Variants in TMEM150C observed in about 807,000 individuals in gnomAD.
TMEM150C encodes the protein tentonin 3.
TMEM150C carries 10 observed loss-of-function variants against 29.9 expected under a neutral mutation model. The observed-to-expected ratio is 0.33, with a 90% CI of 0.21 to 0.57. TMEM150C has a LOEUF of 0.57. TMEM150C is among the 20% of genes least tolerant of loss of function. The probability of loss-of-function intolerance (pLI) is 0.88; values close to 1 mark genes in which losing one functional copy is unlikely to be tolerated. For missense variants in TMEM150C, 251 were observed against 303.6 expected, an observed-to-expected ratio of 0.83 and a Z score of 1.29; for synonymous variants, 101 against 112.5, an observed-to-expected ratio of 0.90 and a Z score of 0.64.
chr4:82,494,461 C>T (rs1723471834), intron 6 of TMEM150C, among the ~76,000 whole-genome samples: 1 of 152,198 alleles, frequency 6.6e-6, no homozygotes, highest in Non-Finnish European at 1.5e-5. Flanking sequence ...TTGACTTCCA[C>T]ATAAACTTGC....
intron 1 of TMEM150C, among the ~76,000 whole-genome samples, chr4:82,558,181 T>C (rs1725803214): frequency 6.6e-6 from 1 of 152,186 alleles, no homozygotes; most frequent in Non-Finnish European, 1.5e-5. Flanking sequence ...AATTCAGAAC[T>C]ATACTGTCCA....
intron 1 of TMEM150C, among the ~76,000 whole-genome samples, chr4:82,517,632 C>A (rs1461281281): frequency 6.6e-6 from 1 of 152,142 alleles, no homozygotes; most frequent in Non-Finnish European, 1.5e-5. Flanking sequence ...ATACCTGCAC[C>A]CCTCCCAGGC....
intron 1 of TMEM150C, among the ~76,000 whole-genome samples, chr4:82,561,574 A>AGCGG (rs995929662): frequency 6.8e-6 from 1 of 148,112 alleles, no homozygotes; most frequent in African/African-American, 2.5e-5. Context: ...CCGGGGCCGC[A>AGCGG]GCGGGCGGGC....
intron 1 of TMEM150C, among the ~76,000 whole-genome samples, chr4:82,505,785 A>G (rs1020859725): frequency 3.3e-5 from 5 of 152,186 alleles, no homozygotes; most frequent in African/African-American, 1.2e-4. Flanking sequence ...GAAATAAAAA[A>G]TCCCCCCTCA....
chr4:82,544,205 G>A (rs1482081531), intron 1 of TMEM150C, among the ~76,000 whole-genome samples: 2 of 152,138 alleles, frequency 1.3e-5, no homozygotes, highest in Non-Finnish European at 2.9e-5. Flanking sequence ...TTTCCCATAA[G>A]GGTCCTGTTC....
At chr4:82,559,390 C>CAAA (rs55656515) in intron 1 of TMEM150C, among the ~76,000 whole-genome samples, 40 of 131,076 alleles carry the variant, frequency 3.1e-4, no homozygotes, top group African/African-American at 5.8e-4. Flanking sequence ...ACTAAAAATA[C>CAAA]AAAAAAAAAA....
At chr4:82,527,699 C>A (rs962354563) in intron 1 of TMEM150C, among the ~76,000 whole-genome samples, 2 of 152,182 alleles carry the variant, frequency 1.3e-5, no homozygotes, top group African/African-American at 2.4e-5. Context: ...CTAACTCCAG[C>A]ATCAGAAGTG....
At chr4:82,552,078 C>T (rs914318746) in intron 1 of TMEM150C, among the ~76,000 whole-genome samples, 3 of 152,064 alleles carry the variant, frequency 2.0e-5, no homozygotes, top group South Asian at 2.1e-4. Context: ...CCTCCTCTCT[C>T]GGCATGTGAT....
chr4:82,495,731 CA>C, intron 6 of TMEM150C: 1 of 319,528 alleles, frequency 3.1e-6, no homozygotes. Flanking sequence ...TTGTTGTTCC[CA>C]CCACTGATTC....
chr4:82,544,573 G>A (rs963476891), intron 1 of TMEM150C, among the ~76,000 whole-genome samples: 4 of 152,142 alleles, frequency 2.6e-5, no homozygotes, highest in Non-Finnish European at 5.9e-5. Flanking sequence ...GAGCCCAGGG[G>A]TTCGAGACCA....
chr4:82,530,469 A>G (rs913163855), intron 1 of TMEM150C, among the ~76,000 whole-genome samples: 1 of 152,184 alleles, frequency 6.6e-6, no homozygotes, highest in African/African-American at 2.4e-5. Context: ...AGGCAGGAGA[A>G]TGGTGTGAAC....
chr4:82,552,251 C>G (rs971960108), intron 1 of TMEM150C, among the ~76,000 whole-genome samples: 3 of 152,156 alleles, frequency 2.0e-5, no homozygotes, highest in Non-Finnish European at 4.4e-5. Context: ...TCGGGTATTC[C>G]TTTATAGCAA....
intron 1 of TMEM150C, among the ~76,000 whole-genome samples, chr4:82,546,871 C>A (rs1377849308): frequency 6.6e-6 from 1 of 151,968 alleles, no homozygotes; most frequent in Non-Finnish European, 1.5e-5. Context: ...GGACTTCTAC[C>A]TTTCACCATA....
At chr4:82,487,082 G>A (rs1723186862) in intron 7 of TMEM150C, among the ~76,000 whole-genome samples, 1 of 151,894 alleles carries the variant, frequency 6.6e-6, no homozygotes, top group Non-Finnish European at 1.5e-5. Context: ...CCATTCACCT[G>A]AGAACCAAAG....
chr4:82,492,162 T>G (rs1723375310), intron 6 of TMEM150C, among the ~76,000 whole-genome samples: 1 of 151,722 alleles, frequency 6.6e-6, no homozygotes, highest in Non-Finnish European at 1.5e-5. Flanking sequence ...AGAGTCTCAC[T>G]CTGTCACCCA....
intron 1 of TMEM150C, among the ~76,000 whole-genome samples, chr4:82,529,346 T>C (rs1724761338): frequency 6.7e-6 from 1 of 150,222 alleles, no homozygotes; most frequent in East Asian, 2.0e-4. Context: ...TGGAGTGCAG[T>C]AGCACAATCA....
intron 5 of TMEM150C, among the ~76,000 whole-genome samples, chr4:82,498,579 G>T (rs978825606): frequency 1.3e-5 from 2 of 152,164 alleles, no homozygotes; most frequent in Non-Finnish European, 2.9e-5. Context: ...GAGCCACCGC[G>T]CCTGGCTGGC....
intron 1 of TMEM150C, among the ~76,000 whole-genome samples, chr4:82,511,800 G>A (rs1724136199): frequency 6.6e-6 from 1 of 152,146 alleles, no homozygotes; most frequent in South Asian, 2.1e-4. Flanking sequence ...AATCCCAGAA[G>A]GAATTCCCTT....
rs115178951 is a variant in TMEM150C at position 82,505,955 on chromosome 4, A to G, written c.-10-1288T>C. Among the ~76,000 whole-genome samples the G allele has an allele frequency of 4.5e-3, 679 of 152,332 alleles. 6 individuals are homozygous for G. Among genetic ancestry groups the G allele is most frequent in the African/African-American group, 0.016 (660 of 41,578 alleles). ...TCCTTATGGCAAAAACACCTGTTCTAAGGAAATTAAGTGCTCTAGTAACCT... is the reference window on the plus strand; with the variant it reads ...TCCTTATGGCAAAAACACCTGTTCTGAGGAAATTAAGTGCTCTAGTAACCT... On this transcript the variant is annotated intron_variant, in intron 1 of 7. Coordinates refer to ENST00000449862, the MANE Select transcript of TMEM150C (RefSeq NM_001080506.3).
Sources: gnomAD v4.1 joint callset for allele counts (sites outside exome capture counted in the v4.1 genomes callset) on GRCh38, gnomAD v4.1.1 for gene constraint, MANE v1.5 for transcripts, NCBI Gene and HGNC (gene_info 2026-07-23, HGNC 2026-07-21) for gene names.